Variants in DTNB observed in about 807,000 individuals in gnomAD.
The protein encoded by DTNB is DTN-B.
A neutral mutation model predicts 90.7 loss-of-function variants in DTNB; 63 were observed. That is an observed-to-expected ratio of 0.69 (90% confidence interval 0.57 to 0.86). DTNB has a LOEUF of 0.86. Among genes scored for constraint, DTNB ranks in the 40% least tolerant of loss-of-function variants. The pLI, the probability that DTNB is intolerant of heterozygous loss-of-function variation, is 0.00. For missense variants in DTNB, 744 were observed against 807.1 expected (o/e 0.92, Z 0.95); for synonymous variants, 277 against 286.7 (o/e 0.97, Z 0.34).
In DTNB at chr2:25,430,122, A is replaced by G. The variant is rs147638672; in HGVS notation, c.1458-2491T>C. On this transcript the variant is annotated intron_variant, in intron 14 of 20. Coordinates refer to ENST00000406818, the MANE Select transcript of DTNB (RefSeq NM_021907.5). ...TAAATATAGATATAATACCTATATT[A>G]TATAGGTATTATATATGTAAAATCT... is the stretch of plus-strand genomic sequence containing the variant. Among the ~76,000 whole-genome samples, 222 of 152,300 alleles carry G rather than the reference A, an allele frequency of 1.5e-3. 1 individual carries two copies. Among genetic ancestry groups the G allele is most frequent in the African/African-American group, 5.1e-3 (210 of 41,572 alleles).
intron 15 of DTNB, among the ~76,000 whole-genome samples, chr2:25,421,915 C>A (rs1026302684): frequency 6.6e-6 from 1 of 152,222 alleles, no homozygotes; most frequent in East Asian, 1.9e-4. Flanking sequence ...CAGGGCAGCG[C>A]TTCCAGGACT....
rs56815083 is a variant in DTNB at position 25,420,262 on chromosome 2, C to CTTTTT, written c.1555-732_1555-728dup. Among the ~76,000 whole-genome samples, 17 of 63,878 alleles carry CTTTTT rather than the reference C, an allele frequency of 2.7e-4. 3 individuals are homozygous for CTTTTT. Among genetic ancestry groups the CTTTTT allele is most frequent in the Non-Finnish European group, 1.7e-4 (5 of 29,712 alleles). 41.9% of individuals were successfully genotyped at this position (63,878 alleles called of 152,430 possible). On this transcript the variant is annotated intron_variant, in intron 15 of 20. Transcript: ENST00000406818. ...CCGTCTACTTGCTTTCAGGCACAGT[C>CTTTTT]TTTTTTTTTTTTTTTTTTTTTTTTT...
chr2:25,618,883 A>G (rs2071583899), intron 4 of DTNB, among the ~76,000 whole-genome samples: 1 of 152,214 alleles, frequency 6.6e-6, no homozygotes, highest in South Asian at 2.1e-4. Flanking sequence ...AAGAGTTATT[A>G]TCCAACACTG....
At chr2:25,409,240 T>TTCATTCATTCATTCAC (rs1171074282) in intron 16 of DTNB, among the ~76,000 whole-genome samples, 8 of 152,010 alleles carry the variant, frequency 5.3e-5, no homozygotes, top group Non-Finnish European at 1.0e-4. Flanking sequence ...CATTCATTCA[T>TTCATTCATTCATTCAC]TCATTCATTC....
chr2:25,404,469 G>T (rs546895504), intron 16 of DTNB, among the ~76,000 whole-genome samples: 2 of 152,164 alleles, frequency 1.3e-5, no homozygotes, highest in African/African-American at 2.4e-5. Context: ...GCTGGAGTGT[G>T]GGGAGCAGGG....
intron 15 of DTNB, among the ~76,000 whole-genome samples, chr2:25,420,783 G>A (rs933282203): frequency 2.6e-5 from 4 of 152,134 alleles, no homozygotes; most frequent in African/African-American, 4.8e-5. Flanking sequence ...GCACCTGGCC[G>A]GTCTCTGTCT....
chr2:25,445,049 C>T (rs1334466248), intron 12 of DTNB, among the ~76,000 whole-genome samples: 5 of 152,184 alleles, frequency 3.3e-5, no homozygotes, highest in Non-Finnish European at 7.3e-5. Flanking sequence ...TGTAAAGAGA[C>T]TTATCTTGTT....
At chr2:25,458,219 A>C (rs919343917) in intron 10 of DTNB, among the ~76,000 whole-genome samples, 2 of 152,132 alleles carry the variant, frequency 1.3e-5, no homozygotes, top group African/African-American at 4.8e-5. Context: ...GATTCTGATG[A>C]CTCAGATGAT....
At chr2:25,457,030 G>A (rs1266674862) in intron 10 of DTNB, among the ~76,000 whole-genome samples, 5 of 151,230 alleles carry the variant, frequency 3.3e-5, no homozygotes, top group African/African-American at 1.2e-4. Flanking sequence ...CTTTTTTTGA[G>A]ACGGAGTATC....
intron 1 of DTNB, among the ~76,000 whole-genome samples, chr2:25,661,481 A>G (rs2083165615): frequency 6.6e-6 from 1 of 152,248 alleles, no homozygotes; most frequent in Admixed American, 6.5e-5. Context: ...GGGGTAGAAA[A>G]CCATAAAGGA....
intron 5 of DTNB, among the ~76,000 whole-genome samples, chr2:25,598,348 T>C (rs2148428117): frequency 6.6e-6 from 1 of 152,288 alleles, no homozygotes; most frequent in South Asian, 2.1e-4. Context: ...CAGATGAACA[T>C]GAAGTTACCA....
At chr2:25,642,156 C>T (rs771130638) in intron 2 of DTNB, among the ~76,000 whole-genome samples, 28 of 151,924 alleles carry the variant, frequency 1.8e-4, no homozygotes, top group Non-Finnish European at 3.8e-4. Context: ...ATAAATAATA[C>T]AAGTGAGATA....
chr2:25,501,570 T>G (rs994814706), intron 9 of DTNB, among the ~76,000 whole-genome samples: 3 of 152,072 alleles, frequency 2.0e-5, no homozygotes, highest in Non-Finnish European at 4.4e-5. Flanking sequence ...TCAGACAGAG[T>G]TTCACCATGT....
At chr2:25,520,797 T>C (rs1341626369) in intron 9 of DTNB, among the ~76,000 whole-genome samples, 1 of 151,980 alleles carries the variant, frequency 6.6e-6, no homozygotes, top group African/African-American at 2.4e-5. Flanking sequence ...ATACACAGAG[T>C]CTAAGTCAGT....
At chr2:25,634,912 A>C (rs1033732215) in intron 3 of DTNB, among the ~76,000 whole-genome samples, 3 of 117,070 alleles carry the variant, frequency 2.6e-5, no homozygotes, top group African/African-American at 8.2e-5. Flanking sequence ...CCGGGACACA[A>C]ACACTGCGGA....
At chr2:25,655,445 T>C (rs934320660) in intron 1 of DTNB, among the ~76,000 whole-genome samples, 1 of 151,590 alleles carries the variant, frequency 6.6e-6, no homozygotes, top group South Asian at 2.1e-4. Flanking sequence ...CAACACAGTA[T>C]GATATGATGA....
intron 16 of DTNB, among the ~76,000 whole-genome samples, chr2:25,403,421 C>G (rs1247136654): frequency 6.6e-6 from 1 of 152,078 alleles, no homozygotes; most frequent in Non-Finnish European, 1.5e-5. Context: ...TGGCCCGTAT[C>G]CCACTAGTCT....
In DTNB at chr2:25,667,633, T is replaced by C. The variant is rs76652455; in HGVS notation, c.-2+5753A>G. ...CTGACATACTTATTATATAAGTACA[T>C]TTAGGGTACTTGGACATAAATTTTA... On this transcript the variant is annotated intron_variant, in intron 1 of 20. Transcript: ENST00000406818. Among the ~76,000 whole-genome samples the C allele has an allele frequency of 7.0e-3, 1,064 of 152,324 alleles. 15 individuals are homozygous for C. Among genetic ancestry groups the C allele is most frequent in the African/African-American group, 0.024 (1,018 of 41,580 alleles).
chr2:25,426,279 C>G (rs910254405), intron 15 of DTNB, among the ~76,000 whole-genome samples: 8 of 152,128 alleles, frequency 5.3e-5, no homozygotes, highest in Non-Finnish European at 2.9e-5. Flanking sequence ...AATCATTAGA[C>G]TGAAAAAAGA....
Sources: allele counts gnomAD v4.1 joint callset (sites outside exome capture counted in the v4.1 genomes callset), GRCh38; gene constraint gnomAD v4.1.1; transcripts MANE v1.5; gene names NCBI Gene and HGNC (gene_info 2026-07-23, HGNC 2026-07-21).